ATP2A1: variants seen among roughly 807,000 people sequenced by gnomAD.
The protein encoded by ATP2A1 is sarcoplasmic/endoplasmic reticulum calcium ATPase 1.
A neutral mutation model predicts 109.5 loss-of-function variants in ATP2A1; 83 were observed. That is an observed-to-expected ratio of 0.76 (90% CI 0.63 to 0.91). ATP2A1 has a LOEUF of 0.91. ATP2A1 is among the 40% of genes least tolerant of loss of function. The pLI is 0.00. For synonymous variants in ATP2A1, 505 were observed against 537.6 expected (o/e 0.94, Z 0.84); for missense variants, 1,101 against 1,341.0 (o/e 0.82, Z 2.80).
At chr16:28,896,234 TTGTC>T (rs779804698) in intron 12 of ATP2A1, among the ~76,000 whole-genome samples, 23 of 151,882 alleles carry the variant, frequency 1.5e-4, no homozygotes, top group African/African-American at 2.2e-4. Context: ...GTTTGTTTGT[TTGTC>T]TGTCTGTTTT....
In ATP2A1 at chr16:28,882,423, C is replaced by A. The variant is rs368478204; in HGVS notation, c.325-28C>A. 123 of 1,613,392 alleles carry A rather than the reference C, an allele frequency of 7.6e-5. 3 individuals carry two copies. Among genetic ancestry groups the A allele is most frequent in the East Asian group, 4.7e-4 (21 of 44,886 alleles). On this transcript the variant is annotated intron_variant, in intron 4 of 22. Coordinates refer to ENST00000395503, the MANE Select transcript of ATP2A1 (RefSeq NM_004320.6). ...CCATAACTCTGCCTCCTGTGTATAA[C>A]CCTGCCTCCTCCACCCTGTCTCCTC...
chr16:28,885,316 A>G (rs1963587449), intron 6 of ATP2A1, among the ~76,000 whole-genome samples: 1 of 150,968 alleles, frequency 6.6e-6, no homozygotes, highest in Non-Finnish European at 1.5e-5. Context: ...GCTCGCTAGT[A>G]GTGGCTGTGG....
intron 1 of ATP2A1, 115 bp downstream of exon 1, chr16:28,878,904 G>T: frequency 1.5e-6 from 2 of 1,345,460 alleles, no homozygotes; most frequent in Non-Finnish European, 2.1e-6. Context: ...GAGCTGGGCC[G>T]TTGTCCAATG....
chr16:28,887,789 TTTC>T, intron 8 of ATP2A1, 67 bp downstream of exon 8: 2 of 1,569,658 alleles, frequency 1.3e-6, no homozygotes, highest in East Asian at 2.2e-5. Flanking sequence ...TTTCTTTTCT[TTTC>T]TTTTCTTTTT....
chr16:28,880,389 T>C lies in ATP2A1; in HGVS notation c.220-526T>C, dbSNP rs1039546477. On this transcript the variant is annotated intron_variant, in intron 3 of 22. Transcript: ENST00000395503. The surrounding 1 kb of genome is among the most constrained non-coding windows in gnomAD (Gnocchi z 4.2). ...GGGCCTCTCCTCTCCCTTCTCAGAT[T>C]TGCTCCTTGACATTTGCCTGCTGCC... 5.3e-5 allele frequency among the ~76,000 whole-genome samples: 8 copies of C among 152,224 alleles called. No individual in the cohort carries two copies. Among genetic ancestry groups the C allele is most frequent in the African/African-American group, 1.7e-4 (7 of 41,458 alleles).
chr16:28,888,638 C>T, intron 8 of ATP2A1, 149 bp from the exon 9 acceptor site: 1 of 872,696 alleles, frequency 1.1e-6, no homozygotes. Flanking sequence ...CTCCTGGCCT[C>T]AAGTGATCCT....
Position 28,879,588 on chromosome 16 carries a change from G to A in ATP2A1, c.219+5G>A, listed in dbSNP as rs1179596177. 2.5e-6 allele frequency: 4 copies of A among 1,613,928 alleles called. No individual in the cohort carries two copies. The highest frequency in any genetic ancestry group is 3.4e-6 in the Non-Finnish European group (4 of 1,179,962). On this transcript the variant is annotated splice_donor_5th_base_variant and intron_variant, in intron 3 of 22. Transcript: ENST00000395503. ...CTGGCCGCATGCATTTCCTTCGTAA[G>A]TGTGGGAGGGTCTCTGGGGGCTGGC...
chr16:28,880,108 C>G lies in ATP2A1; in HGVS notation c.219+525C>G, dbSNP rs1963416883. On this transcript the variant is annotated intron_variant, in intron 3 of 22. Coordinates refer to ENST00000395503, the MANE Select transcript of ATP2A1 (RefSeq NM_004320.6). This position sits in a 1 kb window ranked among gnomAD's most constrained non-coding sequence, Gnocchi z 4.2. ...GCCCGGCGCCCGGTCAGGGAGGGCA[C>G]TGGCATCCCTCATTACCCGCCCAGC... 3 of 997,302 alleles carry G rather than the reference C, an allele frequency of 3.0e-6. No homozygotes were observed. Among genetic ancestry groups the G allele is most frequent in the Non-Finnish European group, 3.6e-6 (3 of 839,446 alleles). 61.8% of individuals were successfully genotyped at this position (997,302 alleles called of 1,614,324 possible).
At chr16:28,899,779 G>A (rs1476420568) in intron 14 of ATP2A1, among the ~76,000 whole-genome samples, 4 of 139,218 alleles carry the variant, frequency 2.9e-5, no homozygotes, top group Non-Finnish European at 6.1e-5. Context: ...TGGCCAACAT[G>A]GTAAAACCAA....
At chr16:28,879,910 G>GC (rs1963407776) in intron 3 of ATP2A1, 2 of 798,896 alleles carry the variant, frequency 2.5e-6, no homozygotes, top group East Asian at 7.7e-5. Context: ...CGGCTGCGGC[G>GC]CGGGGGGCCA....
chr16:28,889,409 A>G (rs2152205663), intron 9 of ATP2A1, among the ~76,000 whole-genome samples: 1 of 152,138 alleles, frequency 6.6e-6, no homozygotes, highest in South Asian at 2.1e-4. Flanking sequence ...GGTGCCTGCC[A>G]CCACGCCTGG....
chr16:28,899,643 GCCC>G (rs1446734383), intron 14 of ATP2A1, among the ~76,000 whole-genome samples: 8 of 7,602 alleles, frequency 1.1e-3, no homozygotes, highest in African/African-American at 1.4e-3. Context: ...CATCCCCTGC[GCCC>G]GCCCCCCCCC....
At chr16:28,882,100 C>CTTTTT (rs778416146) in intron 4 of ATP2A1, among the ~76,000 whole-genome samples, 5 of 90,410 alleles carry the variant, frequency 5.5e-5, no homozygotes, top group African/African-American at 1.2e-4. Flanking sequence ...CTACGCCCGG[C>CTTTTT]TTTTTTTTTT....
chr16:28,897,750 A>G (rs1963957459), intron 12 of ATP2A1, among the ~76,000 whole-genome samples: 1 of 152,164 alleles, frequency 6.6e-6, no homozygotes, highest in Non-Finnish European at 1.5e-5. Flanking sequence ...GATTACAGGC[A>G]TGAGCCACCG....
At chr16:28,888,551 G>A (rs1247185623) in intron 8 of ATP2A1, among the ~76,000 whole-genome samples, 2 of 151,930 alleles carry the variant, frequency 1.3e-5, no homozygotes, top group Non-Finnish European at 2.9e-5. Context: ...TGGTACCACA[G>A]GCAATCACCA....
intron 4 of ATP2A1, among the ~76,000 whole-genome samples, chr16:28,882,065 T>C (rs1034196410): frequency 3.4e-5 from 5 of 149,124 alleles, no homozygotes; most frequent in Non-Finnish European, 7.4e-5. Flanking sequence ...GCCTCCCAAG[T>C]AGCTGGGATT....
At position 28,888,885 on chromosome 16, in the gene ATP2A1, G is replaced by A. The variant is rs749643943; in HGVS notation, c.1027G>A (p.Gly343Ser). ...VRSLPSVETL[G>S]CTSVICSDKT... ...AAGCTTGCCCTCCGTAGAGACCCTG[G>A]GCTGCACCTCTGTCATCTGTTCCGA... The change falls in exon 9 of 23, where the codon GGC becomes AGC. Residue 343 changes from glycine to serine, a missense_variant. Transcript: ENST00000395503. 2 of 1,614,088 alleles carry A rather than the reference G, an allele frequency of 1.2e-6. No individual in the cohort carries two copies. The highest frequency in any genetic ancestry group is 1.7e-6 in the Non-Finnish European group (2 of 1,180,022).
intron 4 of ATP2A1, chr16:28,881,590 C>T (rs1458823405): frequency 5.5e-6 from 1 of 181,124 alleles, no homozygotes; most frequent in African/African-American, 2.4e-5. Flanking sequence ...CAGTTGAGGT[C>T]AGGAGTTCAA....
chr16:28,894,172 G>A lies in ATP2A1; in HGVS notation c.1113G>A (p.Lys371=), dbSNP rs199557273. 45 of 1,613,966 alleles carry A rather than the reference G, an allele frequency of 2.8e-5. No individual in the cohort carries two copies. The East Asian group carries it at 9.4e-4, about 34-fold the overall frequency. Reference sequence around the variant, plus strand: ...CCCTGCAGATGTTTATCATTGACAAGGTGGATGGGGACATCTGCCTCCTGA... The same window carrying A: ...CCCTGCAGATGTTTATCATTGACAAAGTGGATGGGGACATCTGCCTCCTGA... ...MSVCKMFIID[K]VDGDICLLNE... The change falls in exon 10 of 23, where the codon AAG becomes AAA. Residue 371 remains lysine (K), a synonymous_variant. Coordinates refer to ENST00000395503, the MANE Select transcript of ATP2A1 (RefSeq NM_004320.6).
Sources: allele counts gnomAD v4.1 joint callset (sites outside exome capture counted in the v4.1 genomes callset), GRCh38; gene constraint gnomAD v4.1.1; non-coding constraint Gnocchi (gnomAD v3.1); transcripts MANE v1.5; gene names NCBI Gene and HGNC (gene_info 2026-07-23, HGNC 2026-07-21).